RMDN2: variants seen among roughly 807,000 people sequenced by gnomAD.
The protein encoded by RMDN2 is regulator of microtubule dynamics 2, also known as regulator of microtubule dynamics protein 2.
In RMDN2, 61 loss-of-function variants were observed where a neutral mutation model predicts 52.8. The ratio of observed to expected loss-of-function variants is 1.16; its 90% CI spans 0.94 to 1.43. The LOEUF is 1.43. Ranked by LOEUF, RMDN2 falls within the 40% of genes most tolerant of loss-of-function variation. The probability of loss-of-function intolerance (pLI) is 0.00; values close to 1 mark genes in which losing one functional copy is unlikely to be tolerated. For synonymous variants in RMDN2, 180 were observed against 153.1 expected, an observed-to-expected ratio of 1.18 and a Z score of -1.30; for missense variants, 592 against 475.3, an observed-to-expected ratio of 1.25 and a Z score of -2.28.
At chr2:38,036,874 A>T (rs1680617849) in intron 10 of RMDN2, 1 of 152,206 alleles carries the variant, frequency 6.6e-6, no homozygotes, top group Non-Finnish European at 1.5e-5. Context: ...ACTAGGCAAA[A>T]ATCCATGGTG....
intron 10 of RMDN2, among the ~76,000 whole-genome samples, chr2:38,042,940 T>G (rs1681053904): frequency 6.6e-6 from 1 of 152,210 alleles, no homozygotes; most frequent in African/African-American, 2.4e-5. Context: ...CAGTGAATGT[T>G]CCATGTGACC....
intron 10 of RMDN2, among the ~76,000 whole-genome samples, chr2:38,038,492 C>T (rs970922997): frequency 4.6e-5 from 7 of 152,200 alleles, no homozygotes; most frequent in Non-Finnish European, 7.3e-5. Context: ...GTCTCCTGCA[C>T]GGTTCAGGCC....
At chr2:37,946,324 G>A (rs1009269359) in intron 2 of RMDN2, among the ~76,000 whole-genome samples, 12 of 152,154 alleles carry the variant, frequency 7.9e-5, no homozygotes, top group Admixed American at 5.2e-4. Context: ...AGGGTGGACT[G>A]TAGGCCATCT....
At chr2:38,028,723 C>G (rs1679963026) in intron 10 of RMDN2, among the ~76,000 whole-genome samples, 2 of 152,170 alleles carry the variant, frequency 1.3e-5, no homozygotes, top group South Asian at 4.1e-4. Context: ...ATTCCTACCC[C>G]CATCTCACCT....
At chr2:37,952,185 G>A in intron 2 of RMDN2, 1 of 1,613,052 alleles carries the variant, frequency 6.2e-7, no homozygotes, top group Non-Finnish European at 8.5e-7. Flanking sequence ...TTCACCTATT[G>A]AAATTCCTAA....
intron 2 of RMDN2, among the ~76,000 whole-genome samples, chr2:37,968,246 G>C (rs1388823202): frequency 2.0e-5 from 3 of 152,006 alleles, no homozygotes; most frequent in Admixed American, 1.3e-4. Context: ...TTCGAGACCA[G>C]CCTGGCCAAC....
chr2:38,012,690 T>A (rs1054886910), intron 10 of RMDN2: 6 of 437,324 alleles, frequency 1.4e-5, no homozygotes, highest in Middle Eastern at 3.6e-4. Flanking sequence ...CATGAGAAAA[T>A]AGGATGAAGT....
At chr2:38,008,366 C>T (rs1234072862) in intron 10 of RMDN2, among the ~76,000 whole-genome samples, 3 of 152,092 alleles carry the variant, frequency 2.0e-5, no homozygotes, top group Admixed American at 2.0e-4. Context: ...TCACTAAGGA[C>T]TTGTTTTATG....
intron 2 of RMDN2, among the ~76,000 whole-genome samples, chr2:37,964,629 G>A (rs1374968515): frequency 6.6e-6 from 1 of 152,102 alleles, no homozygotes; most frequent in Non-Finnish European, 1.5e-5. Flanking sequence ...TATTCCACAT[G>A]CATTGGAGAC....
At chr2:38,062,082 C>A (rs887918020) in intron 10 of RMDN2, among the ~76,000 whole-genome samples, 1 of 152,200 alleles carries the variant, frequency 6.6e-6, no homozygotes. Context: ...TTCATTTGCA[C>A]CAATTCCCCT....
downstream of RMDN2, among the ~76,000 whole-genome samples, chr2:38,021,123 T>C (rs1679336930): frequency 6.6e-6 from 1 of 152,198 alleles, no homozygotes; most frequent in African/African-American, 2.4e-5. Flanking sequence ...ATCAACACTC[T>C]GTAGCTACTC....
chr2:38,046,938 G>A (rs1681310237), intron 10 of RMDN2, among the ~76,000 whole-genome samples: 1 of 151,836 alleles, frequency 6.6e-6, no homozygotes, highest in Admixed American at 6.6e-5. Context: ...AGCCGAGATT[G>A]CGCCACTGCA....
At chr2:37,990,663 A>G (rs962424639) in intron 6 of RMDN2, among the ~76,000 whole-genome samples, 3 of 152,060 alleles carry the variant, frequency 2.0e-5, no homozygotes, top group South Asian at 4.1e-4. Context: ...TAAGTTTGCC[A>G]TGATAGACAA....
At chr2:38,055,051 T>G (rs1438428810) in intron 10 of RMDN2, among the ~76,000 whole-genome samples, 1 of 152,204 alleles carries the variant, frequency 6.6e-6, no homozygotes, top group Non-Finnish European at 1.5e-5. Flanking sequence ...TTATCAGTTT[T>G]GTATTGCAAG....
At chr2:37,947,341 ACTT>A (rs1668305349) in intron 2 of RMDN2, among the ~76,000 whole-genome samples, 1 of 152,174 alleles carries the variant, frequency 6.6e-6, no homozygotes, top group Non-Finnish European at 1.5e-5. Flanking sequence ...ATTTTAATAA[ACTT>A]CTTTCTCTCA....
At chr2:38,015,030 A>G (rs1040508521) in intron 10 of RMDN2, among the ~76,000 whole-genome samples, 1 of 152,266 alleles carries the variant, frequency 6.6e-6, no homozygotes, top group African/African-American at 2.4e-5. Flanking sequence ...AGTTGTTTAA[A>G]TATTTAAGAC....
intron 10 of RMDN2, among the ~76,000 whole-genome samples, chr2:38,065,266 A>G (rs1437039350): frequency 6.6e-6 from 1 of 152,216 alleles, no homozygotes; most frequent in Non-Finnish European, 1.5e-5. Flanking sequence ...ATTCAAAACA[A>G]TAATACAAAT....
chr2:38,007,373 C>T (rs141676978), intron 10 of RMDN2, among the ~76,000 whole-genome samples: 2,357 of 152,212 alleles, frequency 0.015, 54 homozygotes, highest in African/African-American at 0.054. Flanking sequence ...ATTATTGCCT[C>T]GATTTCAGAG....
chr2:38,014,428 T>A (rs911473821), intron 10 of RMDN2, among the ~76,000 whole-genome samples: 2 of 152,226 alleles, frequency 1.3e-5, no homozygotes, highest in Admixed American at 1.3e-4. Flanking sequence ...TTTAAATTGA[T>A]CTTAAAAACA....
Sources: allele counts gnomAD v4.1 joint callset (sites outside exome capture counted in the v4.1 genomes callset), GRCh38; gene constraint gnomAD v4.1.1; transcripts MANE v1.5; gene names NCBI Gene and HGNC (gene_info 2026-07-23, HGNC 2026-07-21).